CDH3: variants seen among roughly 807,000 people sequenced by gnomAD.
CDH3 encodes the protein cadherin-3.
Under a neutral mutation model 82.0 loss-of-function variants are expected in CDH3, and 54 were observed. The observed-to-expected ratio is 0.66, with a 90% CI of 0.53 to 0.83. CDH3 has a LOEUF of 0.83. Ranked by LOEUF, CDH3 falls within the 40% of genes least tolerant of loss-of-function variation. The pLI, the probability that CDH3 is intolerant of heterozygous loss-of-function variation, is 0.00. For missense variants in CDH3, 1,054 were observed against 1,084.6 expected (o/e 0.97, Z 0.40); for synonymous variants, 446 against 437.9 (o/e 1.02, Z -0.23).
chr16:68,668,185 G>A (rs1238353197), intron 2 of CDH3, among the ~76,000 whole-genome samples: 1 of 152,160 alleles, frequency 6.6e-6, no homozygotes, highest in Non-Finnish European at 1.5e-5. Context: ...CTATGTTTAG[G>A]CTTTCATTTT....
intron 1 of CDH3, among the ~76,000 whole-genome samples, chr16:68,713,472 C>T (rs1033141526): frequency 6.6e-6 from 1 of 151,898 alleles, no homozygotes; most frequent in Non-Finnish European, 1.5e-5. Context: ...AAACCCTCCA[C>T]CCCTCCTCTC....
intron 15 of CDH3, among the ~76,000 whole-genome samples, chr16:68,697,648 C>G (rs949092084): frequency 1.3e-5 from 2 of 152,186 alleles, no homozygotes; most frequent in Admixed American, 6.5e-5. Context: ...ATAAAAGATT[C>G]TCCAGATAAT....
chr16:68,700,868 A>G (rs945824801), downstream of CDH3, among the ~76,000 whole-genome samples: 2 of 152,090 alleles, frequency 1.3e-5, no homozygotes, highest in African/African-American at 4.8e-5. Flanking sequence ...ACAAAAGGGT[A>G]TGAAGTCGGA....
intron 2 of CDH3, among the ~76,000 whole-genome samples, chr16:68,658,164 T>G (rs1196716757): frequency 6.6e-6 from 1 of 151,458 alleles, no homozygotes; most frequent in African/African-American, 2.4e-5. Context: ...CACCCCAAAG[T>G]TGGGATTTCC....
In CDH3 at chr16:68,720,265, T is replaced by TA. The variant is rs771951284; in HGVS notation, c.100-2148dup. Among the ~76,000 whole-genome samples the TA allele has an allele frequency of 3.3e-3, 461 of 139,570 alleles. 8 individuals carry two copies. Among genetic ancestry groups the TA allele is most frequent in the Admixed American group, 0.02 (273 of 13,948 alleles). The allele number at this position is 139,570 out of a possible 152,430, so 91.6% of individuals were successfully genotyped here. A position where few individuals can be genotyped will look rare whatever the true frequency, so the allele number is the denominator to read the frequency against. Reference sequence around the variant, plus strand: ...AATTTTTTTTAACATGAGGGGAGGCTAAAAAAAAAAAAGAGAAAGAAAGAG... The same window carrying TA: ...AATTTTTTTTAACATGAGGGGAGGCTAAAAAAAAAAAAAGAGAAAGAAAGAG... On this transcript the variant is annotated intron_variant, in intron 1 of 2. Coordinates refer to the CDH3 transcript ENST00000569080.
downstream of CDH3, among the ~76,000 whole-genome samples, chr16:68,731,413 T>C (rs191728379): frequency 3.3e-4 from 14 of 42,546 alleles, 3 homozygotes; most frequent in Non-Finnish European, 5.5e-4. Context: ...TATATATATA[T>C]ACATATACAC....
In CDH3 at chr16:68,682,529, A is replaced by G. The variant is rs202114594; in HGVS notation, c.1182+42A>G. 3.4e-3 allele frequency: 5,322 copies of G among 1,583,610 alleles called. 26 individuals carry two copies. The highest frequency in any genetic ancestry group is 8.7e-3 in the South Asian group (789 of 90,392). ...CTCAGACAATGGCTATACCTGGGGC[A>G]GTCAGGTCTGCAGCCTTCAGGATGA... On this transcript the variant is annotated intron_variant, in intron 9 of 15. Transcript: ENST00000264012.
chr16:68,687,876 G>T, intron 12 of CDH3, 140 bp downstream of exon 12: 1 of 688,998 alleles, frequency 1.5e-6, no homozygotes, highest in South Asian at 1.7e-5. Context: ...ACCTCAATCA[G>T]ATGCTATTTA....
chr16:68,728,063 C>T (rs1443273884), downstream of CDH3, among the ~76,000 whole-genome samples: 1 of 152,190 alleles, frequency 6.6e-6, no homozygotes, highest in Non-Finnish European at 1.5e-5. Context: ...CAATTATTGG[C>T]ATCCAGCACA....
At chr16:68,661,971 G>A (rs947026322) in intron 2 of CDH3, among the ~76,000 whole-genome samples, 28 of 152,222 alleles carry the variant, frequency 1.8e-4, no homozygotes, top group African/African-American at 5.3e-4. Flanking sequence ...GATTACAGGC[G>A]TGAGCCACGG....
At chr16:68,687,042 G>A (rs1012781227) in intron 11 of CDH3, among the ~76,000 whole-genome samples, 1 of 152,214 alleles carries the variant, frequency 6.6e-6, no homozygotes, top group Non-Finnish European at 1.5e-5. Flanking sequence ...GAATTGGCCT[G>A]TCAGTTTTCC....
chr16:68,660,613 C>T (rs939441931), intron 2 of CDH3, among the ~76,000 whole-genome samples: 21 of 152,124 alleles, frequency 1.4e-4, no homozygotes, highest in African/African-American at 5.1e-4. Flanking sequence ...AATATTGCTG[C>T]ACTAAAGCCT....
downstream of CDH3, among the ~76,000 whole-genome samples, chr16:68,704,083 G>A (rs1248789990): frequency 1.3e-5 from 2 of 152,030 alleles, no homozygotes; most frequent in African/African-American, 4.8e-5. Flanking sequence ...TCAGGAGATC[G>A]AGACCATCCT....
chr16:68,660,675 T>C (rs1236733704), intron 2 of CDH3, among the ~76,000 whole-genome samples: 1 of 152,080 alleles, frequency 6.6e-6, no homozygotes, highest in Admixed American at 6.6e-5. Context: ...AAACCACAAA[T>C]AGGCTGGGCG....
intron 2 of CDH3, among the ~76,000 whole-genome samples, chr16:68,675,205 A>G (rs1960996248): frequency 6.6e-6 from 1 of 152,184 alleles, no homozygotes; most frequent in Admixed American, 6.5e-5. Context: ...AAACCAAAAT[A>G]ATAATAATCT....
chr16:68,703,199 C>T (rs1030435251), downstream of CDH3, among the ~76,000 whole-genome samples: 2 of 152,206 alleles, frequency 1.3e-5, no homozygotes, highest in Non-Finnish European at 2.9e-5. Flanking sequence ...GTGCGCTTTC[C>T]CAGTCCCTAG....
chr16:68,670,421 G>A (rs567057247), intron 2 of CDH3, among the ~76,000 whole-genome samples: 1 of 152,038 alleles, frequency 6.6e-6, no homozygotes, highest in Admixed American at 6.6e-5. Flanking sequence ...TAAATGGTGG[G>A]TAATGGTCTG....
chr16:68,724,168 G>A (rs1962194697), intron 2 of CDH3, among the ~76,000 whole-genome samples: 1 of 152,088 alleles, frequency 6.6e-6, no homozygotes, highest in African/African-American at 2.4e-5. Flanking sequence ...CTAGGAGGTG[G>A]AGGTTGCAGT....
At chr16:68,725,197 C>T (rs1379383943) in intron 2 of CDH3, among the ~76,000 whole-genome samples, 1 of 152,168 alleles carries the variant, frequency 6.6e-6, no homozygotes, top group Non-Finnish European at 1.5e-5. Flanking sequence ...TTAACTCACT[C>T]CACTTAAGTT....
Sources: gnomAD v4.1 joint callset for allele counts (sites outside exome capture counted in the v4.1 genomes callset) on GRCh38, gnomAD v4.1.1 for gene constraint, MANE v1.5 for transcripts, NCBI Gene and HGNC (gene_info 2026-07-23, HGNC 2026-07-21) for gene names.